The following WDR41 variants were observed in gnomAD, a reference collection of about 807,000 sequenced individuals.
WDR41 encodes the protein WD repeat-containing protein 41.
In WDR41, 63 loss-of-function variants were observed where a neutral mutation model predicts 69.3. The ratio of observed to expected loss-of-function variants is 0.91; its 90% CI spans 0.74 to 1.12. WDR41 has a LOEUF of 1.12. WDR41 is among the 50% of genes most tolerant of loss of function. WDR41 has a pLI of 0.00. For synonymous variants in WDR41, 185 were observed against 192.1 expected, an observed-to-expected ratio of 0.96 and a Z score of 0.31; for missense variants, 543 against 534.5, an observed-to-expected ratio of 1.02 and a Z score of -0.16.
At chr5:77,470,401 A>G (rs1800530337) in intron 2 of WDR41, among the ~76,000 whole-genome samples, 1 of 152,202 alleles carries the variant, frequency 6.6e-6, no homozygotes, top group South Asian at 2.1e-4. Context: ...TAACATCATA[A>G]TGACAGGATC....
chr5:77,550,600 G>C (rs58220295), intron 1 of WDR41, among the ~76,000 whole-genome samples: 20,037 of 152,196 alleles, frequency 0.13, 3,062 homozygotes, highest in African/African-American at 0.35. Context: ...TGGCAAGCCT[G>C]TGGAGAAAAG....
intron 1 of WDR41, among the ~76,000 whole-genome samples, chr5:77,505,554 A>G (rs1367294092): frequency 6.6e-6 from 1 of 152,184 alleles, no homozygotes. Context: ...TTCATATGGA[A>G]CCAAAAAAGA....
chr5:77,464,274 CTTTTTT>C (rs71606297), intron 3 of WDR41, among the ~76,000 whole-genome samples: 31 of 94,222 alleles, frequency 3.3e-4, no homozygotes, highest in African/African-American at 1.3e-3. Flanking sequence ...TAGGAAAAAA[CTTTTTT>C]TTTTTTTTTT....
At chr5:77,538,299 C>T (rs796526189) in intron 1 of WDR41, among the ~76,000 whole-genome samples, 15 of 152,268 alleles carry the variant, frequency 9.9e-5, no homozygotes, top group African/African-American at 3.6e-4. Flanking sequence ...TAAATAACTT[C>T]CACTTCCACT....
At chr5:77,456,545 CTT>C (rs1799840177) in intron 5 of WDR41, among the ~76,000 whole-genome samples, 1 of 152,142 alleles carries the variant, frequency 6.6e-6, no homozygotes, top group African/African-American at 2.4e-5. Context: ...TTATGTCTTC[CTT>C]TCCAATATGG....
In WDR41 at chr5:77,437,807, C is replaced by T. The variant is rs991045243; in HGVS notation, c.1005-383G>A. Among the ~76,000 whole-genome samples, 5 of 152,062 alleles carry T rather than the reference C, an allele frequency of 3.3e-5. 1 individual carries two copies. Among genetic ancestry groups the T allele is most frequent in the East Asian group, 3.9e-4 (2 of 5,190 alleles). On this transcript the variant is annotated intron_variant, in intron 10 of 12. Transcript: ENST00000296679. ...TAATGATAGTCCCTGTCCATATGTT[C>T]GTCCCTAGAAGCTCAGCAGCAAATC...
rs199822710 is a variant in WDR41 at position 77,606,905 on chromosome 5, G to T, written c.42+13574C>A. ...TTGCCCCAAAGCATTCAATGAAAAA[G>T]AAAAAAAAAAAAAAAAAGCACTTTG... is the stretch of plus-strand genomic sequence containing the variant. On this transcript the variant is annotated intron_variant, in intron 1 of 5. Transcript: ENST00000509971. 1.6e-4 allele frequency among the ~76,000 whole-genome samples: 14 copies of T among 85,664 alleles called. No homozygotes were observed. The South Asian group carries it at 3.2e-3, about 20-fold the overall frequency. 56.2% of individuals were successfully genotyped at this position (85,664 alleles called of 152,430 possible).
chr5:77,559,366 AT>A (rs1743472507), intron 1 of WDR41, among the ~76,000 whole-genome samples: 1 of 152,188 alleles, frequency 6.6e-6, no homozygotes, highest in Non-Finnish European at 1.5e-5. Context: ...CAGTTATTAC[AT>A]TAATATAAAT....
chr5:77,492,915 T>G (rs1801874093), upstream of WDR41, among the ~76,000 whole-genome samples: 1 of 152,200 alleles, frequency 6.6e-6, no homozygotes, highest in Non-Finnish European at 1.5e-5. Context: ...TGTCTAAAGA[T>G]AACAGCTAGG....
At chr5:77,481,313 T>A (rs1801247811) in intron 2 of WDR41, among the ~76,000 whole-genome samples, 1 of 151,962 alleles carries the variant, frequency 6.6e-6, no homozygotes, top group Non-Finnish European at 1.5e-5. Flanking sequence ...CGGCCCCTTG[T>A]GGGTTTTCTG....
chr5:77,556,686 G>A (rs1319530695), intron 1 of WDR41, among the ~76,000 whole-genome samples: 1 of 152,170 alleles, frequency 6.6e-6, no homozygotes, highest in Non-Finnish European at 1.5e-5. Context: ...CATGAAAGGT[G>A]AGCTCAATGC....
intron 1 of WDR41, 76 bp from the exon 2 acceptor site, chr5:77,489,648 G>A (rs976050710): frequency 2.3e-6 from 2 of 879,164 alleles, no homozygotes; most frequent in Non-Finnish European, 1.8e-6. Context: ...GACCATATTG[G>A]AATATAACTC....
intron 1 of WDR41, among the ~76,000 whole-genome samples, chr5:77,548,766 T>C (rs1202936786): frequency 6.6e-6 from 1 of 152,162 alleles, no homozygotes; most frequent in African/African-American, 2.4e-5. Flanking sequence ...GATCCAGCAA[T>C]CCCACTGCTG....
upstream of WDR41, chr5:77,492,470 G>A (rs1393662363): frequency 2.3e-6 from 1 of 432,702 alleles, no homozygotes; most frequent in Middle Eastern, 5.9e-4. Flanking sequence ...GACGGCGGGG[G>A]CGGCTGCGGC....
intron 2 of WDR41, among the ~76,000 whole-genome samples, chr5:77,465,237 ATC>A (rs1800252827): frequency 6.6e-6 from 1 of 152,116 alleles, no homozygotes; most frequent in Non-Finnish European, 1.5e-5. Context: ...TAAAGTCAAG[ATC>A]TCTCTTTTGC....
intron 1 of WDR41, among the ~76,000 whole-genome samples, chr5:77,565,378 C>T (rs926462003): frequency 4.6e-5 from 7 of 152,132 alleles, no homozygotes; most frequent in African/African-American, 1.7e-4. Context: ...CTAGCCCCAC[C>T]TTACTTTTTC....
intron 1 of WDR41, among the ~76,000 whole-genome samples, chr5:77,568,000 T>C (rs924454738): frequency 6.6e-6 from 1 of 152,138 alleles, no homozygotes; most frequent in Admixed American, 6.6e-5. Flanking sequence ...ATCTTTTTTT[T>C]TCTTGTTCCA....
chr5:77,469,248 G>A (rs1026035342), intron 2 of WDR41, among the ~76,000 whole-genome samples: 9 of 152,130 alleles, frequency 5.9e-5, no homozygotes, highest in Non-Finnish European at 1.2e-4. Flanking sequence ...GTCGTGGGGT[G>A]GGGGTAGGGG....
chr5:77,459,364 T>G (rs1409519802), intron 4 of WDR41, among the ~76,000 whole-genome samples: 1 of 152,094 alleles, frequency 6.6e-6, no homozygotes, highest in African/African-American at 2.4e-5. Context: ...TATTTGAAAA[T>G]GCCAACATAA....
Sources: allele counts gnomAD v4.1 joint callset (sites outside exome capture counted in the v4.1 genomes callset), GRCh38; gene constraint gnomAD v4.1.1; transcripts MANE v1.5; gene names NCBI Gene and HGNC (gene_info 2026-07-23, HGNC 2026-07-21).